Variants in ESCO2 observed in about 807,000 individuals in gnomAD.
ESCO2 encodes establishment of sister chromatid cohesion N-acetyltransferase 2, also known as N-acetyltransferase ESCO2.
A neutral mutation model predicts 61.7 loss-of-function variants in ESCO2; 51 were observed. The observed-to-expected ratio is 0.83, with a 90% CI of 0.66 to 1.04. The LOEUF is 1.04. Ranked by LOEUF, ESCO2 falls within the 50% of genes least tolerant of loss-of-function variation. ESCO2 has a pLI of 0.00. For missense variants in ESCO2, 692 were observed against 686.2 expected, an observed-to-expected ratio of 1.01 and a Z score of -0.09; for synonymous variants, 230 against 238.2, an observed-to-expected ratio of 0.97 and a Z score of 0.32.
chr8:27,775,540 G>A lies in ESCO2; in HGVS notation c.26G>A (p.Arg9Lys), dbSNP rs145248677. The change falls in exon 2 of 11, where the codon AGG becomes AAG. Residue 9 changes from arginine to lysine, a missense_variant. Coordinates refer to ENST00000305188, the MANE Select transcript of ESCO2 (RefSeq NM_001017420.3). MAALTPRK[R>K]KQDSLKCDSL... The stretch of plus-strand genomic sequence containing the variant: ...ATGGCAGCTCTTACTCCAAGGAAGA[G>A]GAAGCAGGATTCTTTGAAGTGTGAC... 1.4e-5 allele frequency: 22 copies of A among 1,614,152 alleles called. No individual in the cohort carries two copies. In the African/African-American group the frequency reaches 2.9e-4, roughly 22 times the overall value.
intron 9 of ESCO2, among the ~76,000 whole-genome samples, chr8:27,795,668 A>G (rs1363777939): frequency 6.6e-6 from 1 of 152,194 alleles, no homozygotes; most frequent in Non-Finnish European, 1.5e-5. Context: ...CCTTTAGTAT[A>G]TTGAGGTACA....
chr8:27,791,425 T>TA (rs1195427048), intron 7 of ESCO2, among the ~76,000 whole-genome samples: 1 of 152,178 alleles, frequency 6.6e-6, no homozygotes, highest in Non-Finnish European at 1.5e-5. Context: ...CCAAGGTTTT[T>TA]AAACCCTTTT....
At chr8:27,783,878 T>A (rs1804978353) in intron 4 of ESCO2, 122 bp from the exon 5 acceptor site, 1 of 926,940 alleles carries the variant, frequency 1.1e-6, no homozygotes, top group Non-Finnish European at 1.8e-6. Flanking sequence ...TGGAATTACC[T>A]TTGCCTCTTT....
At chr8:27,816,284 T>C (rs1397911448), downstream of ESCO2, among the ~76,000 whole-genome samples, 1 of 151,416 alleles carries the variant, frequency 6.6e-6, no homozygotes, top group Non-Finnish European at 1.5e-5. Flanking sequence ...GTATATAGTA[T>C]TAATATTTGC....
chr8:27,806,002 G>T (rs1281687989), downstream of ESCO2, among the ~76,000 whole-genome samples: 3 of 152,138 alleles, frequency 2.0e-5, no homozygotes, highest in Non-Finnish European at 2.9e-5. Flanking sequence ...TCATTCTAGG[G>T]ATAGGGCAAT....
At chr8:27,802,656 T>TATATATATATAGA (rs1491490850) in intron 10 of ESCO2, among the ~76,000 whole-genome samples, 1 of 63,570 alleles carries the variant, frequency 1.6e-5, no homozygotes, top group Admixed American at 1.9e-4. Context: ...TATATATATA[T>TATATATATATAGA]TATATATATA....
At chr8:27,775,375 C>T (rs1275149340) in intron 1 of ESCO2, 124 bp from the exon 2 acceptor site, 2 of 839,330 alleles carry the variant, frequency 2.4e-6, no homozygotes, top group Non-Finnish European at 4.1e-6. Context: ...AGAGCAATGT[C>T]GAGGAAGACC....
chr8:27,775,442 T>C, intron 1 of ESCO2, 57 bp from the exon 2 acceptor site: 1 of 1,486,726 alleles, frequency 6.7e-7, no homozygotes, highest in South Asian at 1.1e-5. Context: ...GGGGGTATAA[T>C]TTTGATAAAG....
At chr8:27,780,309 C>A (rs775406849) in intron 4 of ESCO2, 42 bp downstream of exon 4, 22 of 1,192,098 alleles carry the variant, frequency 1.8e-5, no homozygotes, top group Non-Finnish European at 2.5e-5. Context: ...TAAAATAATG[C>A]TTTATTACAT....
chr8:27,817,551 GT>G (rs1554560035), downstream of ESCO2, among the ~76,000 whole-genome samples: 48 of 148,380 alleles, frequency 3.2e-4, no homozygotes, highest in Admixed American at 5.4e-4. Context: ...TTTTAACCCT[GT>G]TTTTTTTTTC....
At chr8:27,802,733 TATG>T (rs1337122303) in intron 10 of ESCO2, among the ~76,000 whole-genome samples, 1 of 139,934 alleles carries the variant, frequency 7.1e-6, no homozygotes, top group Non-Finnish European at 1.5e-5. Context: ...TAATTAACAA[TATG>T]ATCTTTTTTT....
chr8:27,803,902 GA>G lies in ESCO2; in HGVS notation c.*466del. ...TGCCCAATTTGTAAAGGGAATTCCT[GA>G]ATTTTTTTTTTTTTTTAATAGAGGC... On this transcript the variant is annotated 3_prime_UTR_variant, in exon 11 of 11. Coordinates refer to ENST00000305188, the MANE Select transcript of ESCO2 (RefSeq NM_001017420.3). The G allele has an allele frequency of 1.0e-6, 1 of 982,886 alleles. No individual in the cohort carries two copies. Among genetic ancestry groups the G allele is most frequent in the Non-Finnish European group, 1.2e-6 (1 of 832,694 alleles). 60.9% of individuals were successfully genotyped at this position (982,886 alleles called of 1,614,324 possible). A position where few individuals can be genotyped will look rare whatever the true frequency, so the allele number is the denominator to read the frequency against.
chr8:27,793,970 A>G (rs529540182), intron 9 of ESCO2, among the ~76,000 whole-genome samples: 3 of 152,314 alleles, frequency 2.0e-5, no homozygotes, highest in African/African-American at 7.2e-5. Context: ...CTTTAGATTC[A>G]GTATGTAAGT....
chr8:27,772,621 G>C (rs1225223307), upstream of ESCO2: 1 of 1,428,226 alleles, frequency 7.0e-7, no homozygotes, highest in African/African-American at 1.4e-5. Context: ...ACTCGCGGCG[G>C]CCGCCTGGCC....
the ESCO2 span, among the ~76,000 whole-genome samples, chr8:27,819,193 G>A: frequency 6.6e-6 from 1 of 152,036 alleles, no homozygotes; most frequent in Admixed American, 6.5e-5. Context: ...TCCTCAAAGA[G>A]GAACTTCAGA....
At chr8:27,818,309 C>T in the ESCO2 span, among the ~76,000 whole-genome samples, 1 of 152,188 alleles carries the variant, frequency 6.6e-6, no homozygotes, top group Non-Finnish European at 1.5e-5. Context: ...GTTGCTCATA[C>T]TAGCAATCTT....
intron 7 of ESCO2, 64 bp downstream of exon 7, chr8:27,789,042 C>T (rs1805114365): frequency 1.3e-6 from 2 of 1,597,752 alleles, no homozygotes; most frequent in Admixed American, 1.7e-5. Flanking sequence ...ATTTCTTTTC[C>T]ACCACCTCTA....
Position 27,776,580 on chromosome 8 carries a change from A to G in ESCO2, c.272A>G (p.Lys91Arg), listed in dbSNP as rs1804795137. 1.9e-6 allele frequency: 3 copies of G among 1,614,052 alleles called. No individual in the cohort carries two copies. Among genetic ancestry groups the G allele is most frequent in the East Asian group, 2.2e-5 (1 of 44,886 alleles). The change falls in exon 3 of 11, where the codon AAG becomes AGG. Residue 91 changes from lysine (K) to arginine (R), a missense_variant. By Grantham distance (26) the Lys-to-Arg change is conservative. Coordinates refer to ENST00000305188, the MANE Select transcript of ESCO2 (RefSeq NM_001017420.3). ...LSTVSFYNQN[K>R]WYLNPLERKL... is the part of the protein sequence containing the mutation. ...ACTGTATCTTTTTACAACCAAAATA[A>G]GTGGTACCTCAATCCACTGGAGAGA...
In ESCO2 at chr8:27,774,585, G is replaced by C. The variant is rs898586190; in HGVS notation, c.-39G>C. On this transcript the variant is annotated 5_prime_UTR_variant, in exon 1 of 11. Transcript: ENST00000305188. ...GGAGCGGCTGGCTAGGCTGAGGAGA[G>C]CTCGCCGGGCTCTGAGGCGCAGGTA... 2.6e-5 allele frequency: 4 copies of C among 152,346 alleles called. No homozygotes were observed. The highest frequency in any genetic ancestry group is 9.6e-5 in the African/African-American group (4 of 41,468). The allele number at this position is 152,346 out of a possible 1,614,324, so 9.4% of individuals were successfully genotyped here. A position where few individuals can be genotyped will look rare whatever the true frequency, so the allele number is the denominator to read the frequency against.
Sources: gnomAD v4.1 joint callset for allele counts (sites outside exome capture counted in the v4.1 genomes callset) on GRCh38, gnomAD v4.1.1 for gene constraint, MANE v1.5 for transcripts, NCBI Gene and HGNC (gene_info 2026-07-23, HGNC 2026-07-21) for gene names.